The following DDX18 variants were observed in gnomAD, a reference collection of about 807,000 sequenced individuals.
DDX18 encodes the protein DEAD-box helicase 18, also known as ATP-dependent RNA helicase DDX18.
DDX18 carries 23 observed loss-of-function variants against 73.5 expected under a neutral mutation model. The observed-to-expected ratio is 0.31, with a 90% CI of 0.23 to 0.44. The LOEUF (loss-of-function observed/expected upper bound fraction) is 0.44, where lower values mean the gene tolerates loss of function less well. DDX18 is among the 20% of genes least tolerant of loss of function. The pLI is 1.00. For synonymous variants in DDX18, 268 were observed against 282.7 expected, an observed-to-expected ratio of 0.95 and a Z score of 0.52; for missense variants, 753 against 792.9, an observed-to-expected ratio of 0.95 and a Z score of 0.60.
Position 117,830,803 on chromosome 2 carries a change from A to G in DDX18, c.*79A>G. On this transcript the variant is annotated 3_prime_UTR_variant, in exon 14 of 14. Coordinates refer to ENST00000263239, the MANE Select transcript of DDX18 (RefSeq NM_006773.4). ...CCCCTTGATTTAACAGGATTTTTGT[A>G]GACTTTAGAATTTGGACTTACCTAA... 6.4e-7 allele frequency: 1 copy of G among 1,571,106 alleles called. No homozygotes were observed. Among genetic ancestry groups the G allele is most frequent in the Non-Finnish European group, 8.7e-7 (1 of 1,155,288 alleles).
chr2:117,827,824 T>G (rs1679959421), intron 11 of DDX18: 1 of 152,228 alleles, frequency 6.6e-6, no homozygotes, highest in Non-Finnish European at 1.5e-5. Context: ...TGATTTATAA[T>G]CCTTTGGGTA....
Position 117,814,776 on chromosome 2 carries a change from GA to G in DDX18, c.1del. 4 of 1,614,218 alleles carry G rather than the reference GA, an allele frequency of 2.5e-6. No homozygotes were observed. Among genetic ancestry groups the G allele is most frequent in the Non-Finnish European group, 3.4e-6 (4 of 1,180,048 alleles). ...CCTTATTCTAGGCACTTGTTGGGCAGAATGTCACACCTGCCGATGAAACTCC... is the reference window on the plus strand; with the variant it reads ...CCTTATTCTAGGCACTTGTTGGGCAGATGTCACACCTGCCGATGAAACTCC... On this transcript the variant is annotated 5_prime_UTR_variant, in exon 1 of 14. Transcript: ENST00000263239.
Position 117,819,650 on chromosome 2 carries a change from T to C in DDX18, c.372T>C (p.Asp124=), listed in dbSNP as rs765071304. 8 of 1,575,862 alleles carry C rather than the reference T, an allele frequency of 5.1e-6. No homozygotes were observed. The highest frequency in any genetic ancestry group is 1.2e-5 in the South Asian group (1 of 84,150). The change falls in exon 3 of 14, where the codon GAT becomes GAC. Residue 124 remains aspartate (D), a splice_region_variant and synonymous_variant. Transcript: ENST00000263239. ...GGATTTTGTCTTTTAAAACCAAAGATACGAAAAAAGCAAAAACTGAAAACA... is the reference window on the plus strand; with the variant it reads ...GGATTTTGTCTTTTAAAACCAAAGACACGAAAAAAGCAAAAACTGAAAACA... ...KRKMVNDAEP[D]TKKAKTENKG...
intron 7 of DDX18, among the ~76,000 whole-genome samples, chr2:117,823,094 A>G (rs6715763): frequency 0.078 from 11,930 of 152,244 alleles, 612 homozygotes; most frequent in African/African-American, 0.13. Context: ...AGTTCCTCCT[A>G]TTAAGTCTTG....
In DDX18 at chr2:117,819,699, G is replaced by T; in HGVS notation, c.421G>T (p.Ala141Ser). 6.2e-7 allele frequency: 1 copy of T among 1,605,590 alleles called. No individual in the cohort carries two copies. The highest frequency in any genetic ancestry group is 1.1e-5 in the South Asian group (1 of 89,332). ...ENKGKSEEES[A>S]ETTKETENNV... ...CAAAGGGAAATCTGAAGAAGAAAGT[G>T]CCGAGACTACTAAAGAAACAGAAAA... The change falls in exon 3 of 14, where the codon GCC (alanine) becomes TCC (serine). Residue 141 changes from alanine (A) to serine (S), a missense_variant. This residue lies in a region of DDX18 where 345 missense variants were observed against 352.0 expected (regional missense o/e 0.98). Transcript: ENST00000263239.
intron 13 of DDX18, among the ~76,000 whole-genome samples, chr2:117,829,904 G>C (rs1679992848): frequency 6.6e-6 from 1 of 152,206 alleles, no homozygotes; most frequent in South Asian, 2.1e-4. Flanking sequence ...ACCCCTGAAG[G>C]ATTTTATGCA....
chr2:117,818,758 GTGATCC>G (rs1679799908), intron 2 of DDX18, among the ~76,000 whole-genome samples: 1 of 152,196 alleles, frequency 6.6e-6, no homozygotes. Flanking sequence ...CTGGGCTCAA[GTGATCC>G]TCCCACCTCG....
chr2:117,825,123 A>G lies in DDX18; in HGVS notation c.1368+22A>G, dbSNP rs758209197. 6 of 1,600,004 alleles carry G rather than the reference A, an allele frequency of 3.7e-6. No homozygotes were observed. In the East Asian group the frequency reaches 1.3e-4, roughly 36 times the overall value. On this transcript the variant is annotated intron_variant, in intron 9 of 13. Coordinates refer to ENST00000263239, the MANE Select transcript of DDX18 (RefSeq NM_006773.4). ...TCATGTAAGTGATGATGATGAGCTC[A>G]TTGAAAACAGGGTATGCTTATTAAA...
chr2:117,824,681 G>A lies in DDX18; in HGVS notation c.1179G>A (p.Ala393=), dbSNP rs140232775. Residue 393 remains alanine (A), a synonymous_variant, in exon 8 of 14, where the codon GCG becomes GCA. Transcript: ENST00000263239. ...ATGTTGGCGTTGATGATGATAAAGCGAATGCAACAGTGGATGGTCTTGAAC... is the reference window on the plus strand; with the variant it reads ...ATGTTGGCGTTGATGATGATAAAGCAAATGCAACAGTGGATGGTCTTGAAC... The part of the protein sequence containing the change: ...PLYVGVDDDK[A]NATVDGLEQG... 1.8e-5 allele frequency: 27 copies of A among 1,478,074 alleles called. No homozygotes were observed. The highest frequency in any genetic ancestry group is 1.4e-4 in the African/African-American group (10 of 69,212). The allele number at this position is 1,478,074 out of a possible 1,614,324, so 91.6% of individuals were successfully genotyped here.
At position 117,819,877 on chromosome 2, in the gene DDX18, CT is replaced by C. The variant is rs1246538614; in HGVS notation, c.514+88del. ...TATAGGTTTGAAGGTTCAGTTGTGACTTTCAGTTTACCTGAAAAAAGTAACT... is the reference window on the plus strand; with the variant it reads ...TATAGGTTTGAAGGTTCAGTTGTGACTTCAGTTTACCTGAAAAAAGTAACT... On this transcript the variant is annotated intron_variant, in intron 3 of 13. Transcript: ENST00000263239. The C allele has an allele frequency of 1.6e-5, 21 of 1,289,806 alleles. No individual in the cohort carries two copies. The African/African-American group carries it at 2.1e-4, about 13-fold the overall frequency. 79.9% of individuals were successfully genotyped at this position (1,289,806 alleles called of 1,614,324 possible).
rs1320919553 is a variant in DDX18 at position 117,822,037 on chromosome 2, A to G, written c.927A>G (p.Pro309=). The G allele has an allele frequency of 1.2e-6, 2 of 1,614,084 alleles. No individual in the cohort carries two copies. The highest frequency in any genetic ancestry group is 2.7e-5 in the African/African-American group (2 of 75,058). Residue 309 remains proline, a synonymous_variant, in exon 6 of 14, where the codon CCA becomes CCG. Transcript: ENST00000263239. ...GNGINIIVAT[P]GRLLDHMQNT... ...GGATCAACATCATTGTGGCCACACC[A>G]GGCCGTCTGCTGGACCATATGCAGG...
In DDX18 at chr2:117,829,424, G is replaced by T. The variant is rs1194039088; in HGVS notation, c.1828G>T (p.Ala610Ser). The change falls in exon 13 of 14, where the codon GCT becomes TCT. Residue 610 changes from alanine to serine, a missense_variant. Transcript: ENST00000263239. ...NVNNLNLPQVALSFGFKVPPF... is the reference protein window; with the variant it reads ...NVNNLNLPQVSLSFGFKVPPF... Reference sequence around the variant, plus strand: ...TAATAACCTAAATTTGCCTCAGGTTGCTCTGTCATTTGGTTTCAAGGTGCC... The same window carrying T: ...TAATAACCTAAATTTGCCTCAGGTTTCTCTGTCATTTGGTTTCAAGGTGCC... 13 of 1,613,366 alleles carry T rather than the reference G, an allele frequency of 8.1e-6. No individual in the cohort carries two copies. The Admixed American group carries it at 1.0e-4, about 12-fold the overall frequency.
chr2:117,825,525 G>A lies in DDX18; in HGVS notation c.1447G>A (p.Asp483Asn), dbSNP rs1290069123. Residue 483 changes from aspartate to asparagine, a missense_variant, in exon 10 of 14, where the codon GAT (aspartate) becomes AAT (asparagine). Asp to Asn is a conservative substitution (Grantham distance 23). This residue lies in a region of DDX18 where 402 missense variants were observed against 419.4 expected (regional missense o/e 0.96). Coordinates refer to ENST00000263239, the MANE Select transcript of DDX18 (RefSeq NM_006773.4). ...NADSGTLLCT[D>N]VAARGLDIPE... ...AGATTCGGGAACACTATTGTGTACG[G>A]ATGTGGCAGCGAGAGGACTAGACAT... 3.7e-6 allele frequency: 6 copies of A among 1,614,044 alleles called. No individual in the cohort carries two copies. The highest frequency in any genetic ancestry group is 2.2e-5 in the South Asian group (2 of 91,090).
At chr2:117,825,678 C>G in intron 10 of DDX18, 79 bp downstream of exon 10, 1 of 1,513,938 alleles carries the variant, frequency 6.6e-7, no homozygotes, top group Non-Finnish European at 9.1e-7. Flanking sequence ...CTGACGGAAA[C>G]TGCATTCCAC....
rs1679914621 is a variant in DDX18 at position 117,825,679 on chromosome 2, T to G, written c.1521+80T>G. 2.0e-6 allele frequency: 3 copies of G among 1,516,770 alleles called. No individual in the cohort carries two copies. The East Asian group carries it at 6.8e-5, about 34-fold the overall frequency. The allele number at this position is 1,516,770 out of a possible 1,614,324, so 94.0% of individuals were successfully genotyped here. A position where few individuals can be genotyped will look rare whatever the true frequency, so the allele number is the denominator to read the frequency against. The stretch of plus-strand genomic sequence containing the variant: ...ATTCTCCCAGTTCCCTGACGGAAAC[T>G]GCATTCCACATTCAAGGTAAAGATC... On this transcript the variant is annotated intron_variant, in intron 10 of 13. Transcript: ENST00000263239.
Position 117,814,727 on chromosome 2 carries a change from A to T in DDX18, c.-51A>T, listed in dbSNP as rs1032249952. On this transcript the variant is annotated 5_prime_UTR_variant, in exon 1 of 14. Transcript: ENST00000263239. ...GAAGGGAAGTAACGTCAGCCTGAGA[A>T]CTGAGTAGCTGTACTGTGTGGCGCC... 1.3e-5 allele frequency: 21 copies of T among 1,582,900 alleles called. No individual in the cohort carries two copies. In the East Asian group the frequency reaches 4.1e-4, roughly 31 times the overall value.
At position 117,829,550 on chromosome 2, in the gene DDX18, G is replaced by T. The variant is rs959085079; in HGVS notation, c.1870+84G>T. ...GCATTTGGGGCTTTGCAGTGGATTG[G>T]TATGTGTTCTGGCTCAGACTGGAGG... On this transcript the variant is annotated intron_variant, in intron 13 of 13. Transcript: ENST00000263239. 55 of 1,324,460 alleles carry T rather than the reference G, an allele frequency of 4.2e-5. No individual in the cohort carries two copies. In the African/African-American group the frequency reaches 7.5e-4, roughly 18 times the overall value. The allele number at this position is 1,324,460 out of a possible 1,614,324, so 82.0% of individuals were successfully genotyped here.
chr2:117,825,777 T>C (rs932893169), intron 10 of DDX18, 178 bp downstream of exon 10: 5 of 655,776 alleles, frequency 7.6e-6, no homozygotes, highest in Non-Finnish European at 1.2e-5. Flanking sequence ...TCAAACGGGC[T>C]GTGCCAGAGG....
At chr2:117,819,576 T>C in intron 2 of DDX18, 73 bp from the exon 3 acceptor site, 1 of 1,276,966 alleles carries the variant, frequency 7.8e-7, no homozygotes, top group Non-Finnish European at 1.1e-6. Flanking sequence ...TCAGAGATCT[T>C]CTGTTTGTTG....
Sources: allele counts gnomAD v4.1 joint callset (sites outside exome capture counted in the v4.1 genomes callset), GRCh38; gene constraint gnomAD v4.1.1; regional missense constraint gnomAD v4.1.1; transcripts MANE v1.5; gene names NCBI Gene and HGNC (gene_info 2026-07-23, HGNC 2026-07-21).